PCDH15: variants seen among roughly 807,000 people sequenced by gnomAD.
PCDH15 encodes protocadherin-15.
In PCDH15, 129 loss-of-function variants were observed where a neutral mutation model predicts 178.5. The ratio of observed to expected loss-of-function variants is 0.72; its 90% CI spans 0.63 to 0.84. The LOEUF (loss-of-function observed/expected upper bound fraction) is 0.84. PCDH15 is among the 40% of genes least tolerant of loss of function. The probability of loss-of-function intolerance (pLI) is 0.00; values close to 1 mark genes in which losing one functional copy is unlikely to be tolerated. For missense variants in PCDH15, 2,230 were observed against 2,099.9 expected (o/e 1.06, Z -1.21); for synonymous variants, 800 against 732.0 (o/e 1.09, Z -1.50).
intron 2 of PCDH15, among the ~76,000 whole-genome samples, chr10:55,376,286 A>AAGTT (rs1837392689): frequency 6.6e-6 from 1 of 152,100 alleles, no homozygotes; most frequent in African/African-American, 2.4e-5. Flanking sequence ...GATATGTTAT[A>AAGTT]AGTTAGGTTA....
chr10:54,308,532 C>T (rs2060692974), intron 8 of PCDH15, among the ~76,000 whole-genome samples: 1 of 151,930 alleles, frequency 6.6e-6, no homozygotes, highest in Admixed American at 6.6e-5. Flanking sequence ...ATAATTGGTG[C>T]TATGGTATAT....
rs923756339 is a variant in PCDH15 at position 54,037,440 on chromosome 10, A to G, written c.2221-14243T>C. On this transcript the variant is annotated intron_variant, in intron 18 of 37. Transcript: ENST00000644397. ...GAGCAGCCACCGACAGTGAGACAAGACCCTCTATCTGTATAAAGATTAAGA... is the reference window on the plus strand; with the variant it reads ...GAGCAGCCACCGACAGTGAGACAAGGCCCTCTATCTGTATAAAGATTAAGA... Among the ~76,000 whole-genome samples, 6 of 152,012 alleles carry G rather than the reference A, an allele frequency of 3.9e-5. No homozygotes were observed. In the South Asian group the frequency reaches 6.2e-4, roughly 16 times the overall value.
chr10:55,267,208 A>T (rs1389373907), intron 1 of PCDH15, among the ~76,000 whole-genome samples: 2 of 152,220 alleles, frequency 1.3e-5, no homozygotes, highest in Non-Finnish European at 2.9e-5. Flanking sequence ...ATACATATGT[A>T]TAGGCATTGT....
chr10:53,918,983 T>C (rs547435576), intron 25 of PCDH15, among the ~76,000 whole-genome samples: 1 of 152,314 alleles, frequency 6.6e-6, no homozygotes, highest in African/African-American at 2.4e-5. Context: ...CTTGCATTCC[T>C]TAAGCTTAGT....
At chr10:53,894,509 T>C (rs191025988) in intron 26 of PCDH15, among the ~76,000 whole-genome samples, 20 of 152,338 alleles carry the variant, frequency 1.3e-4, no homozygotes, top group African/African-American at 4.8e-4. Flanking sequence ...TAGTGTTTTA[T>C]TGGACCTTTA....
intron 2 of PCDH15, among the ~76,000 whole-genome samples, chr10:55,137,272 T>C (rs1488951401): frequency 1.3e-5 from 2 of 152,324 alleles, no homozygotes; most frequent in East Asian, 1.9e-4. Context: ...ATATTTTTAC[T>C]GTACATTTTC....
At chr10:54,617,672 C>T (rs1418550990) in intron 2 of PCDH15, among the ~76,000 whole-genome samples, 1 of 149,678 alleles carries the variant, frequency 6.7e-6, no homozygotes, top group Admixed American at 6.7e-5. Flanking sequence ...TGGCTCATGC[C>T]TGTAATTCGA....
intron 3 of PCDH15, among the ~76,000 whole-genome samples, chr10:54,460,698 C>T (rs1280177077): frequency 6.6e-6 from 1 of 152,032 alleles, no homozygotes; most frequent in Non-Finnish European, 1.5e-5. Context: ...ACTTTCATCT[C>T]TCTGGCTTGA....
chr10:53,994,025 G>T (rs2091690418), intron 21 of PCDH15, among the ~76,000 whole-genome samples: 1 of 152,092 alleles, frequency 6.6e-6, no homozygotes. Flanking sequence ...TTTAAATCTG[G>T]CAATTTTATT....
In PCDH15 at chr10:53,832,054, CATAACACCAT is replaced by C. The variant is rs1323781643; in HGVS notation, c.3984-531_3984-522del. 6.0e-4 allele frequency among the ~76,000 whole-genome samples: 91 copies of C among 151,236 alleles called. 1 individual carries two copies. The highest frequency in any genetic ancestry group is 2.2e-3 in the African/African-American group (90 of 40,632). On this transcript the variant is annotated intron_variant, in intron 29 of 37. Transcript: ENST00000644397. ...AGACTCAAACTCTGTATTTGTTTGC[CATAACACCAT>C]CTTAAAAGTAAACATTCTCAAGTTT...
intron 18 of PCDH15, among the ~76,000 whole-genome samples, chr10:54,061,882 C>A (rs928748763): frequency 5.3e-5 from 8 of 151,942 alleles, no homozygotes; most frequent in Non-Finnish European, 1.2e-4. Context: ...CATAAATTTG[C>A]TTCAAAAGTA....
intron 3 of PCDH15, among the ~76,000 whole-genome samples, chr10:54,880,950 G>T (rs1954251858): frequency 6.6e-6 from 1 of 151,762 alleles, no homozygotes; most frequent in South Asian, 2.1e-4. Context: ...TGTATCTAAA[G>T]GAACAAAAGA....
intron 13 of PCDH15, among the ~76,000 whole-genome samples, chr10:54,161,597 CCCA>C (rs2045722141): frequency 6.9e-6 from 1 of 145,576 alleles, no homozygotes; most frequent in Admixed American, 6.9e-5. Context: ...CCACCCCCAC[CCCA>C]CCATACCCTG....
intron 17 of PCDH15, 59 bp downstream of exon 17, chr10:54,079,272 A>G: frequency 6.9e-7 from 1 of 1,441,190 alleles, no homozygotes; most frequent in Non-Finnish European, 9.8e-7. Flanking sequence ...ACATTGTTTA[A>G]GACTCTCTCA....
At chr10:55,212,871 T>C (rs950753290) in intron 1 of PCDH15, among the ~76,000 whole-genome samples, 2 of 152,100 alleles carry the variant, frequency 1.3e-5, no homozygotes, top group East Asian at 3.9e-4. Context: ...ATAATTTTTT[T>C]CCTAAAATAA....
intron 15 of PCDH15, among the ~76,000 whole-genome samples, chr10:54,116,783 T>G (rs2095120666): frequency 6.6e-6 from 1 of 152,214 alleles, no homozygotes; most frequent in Non-Finnish European, 1.5e-5. Flanking sequence ...TTTAGAAAAT[T>G]TTAAAGTGAT....
At chr10:54,247,306 A>G (rs2056043045) in intron 8 of PCDH15, among the ~76,000 whole-genome samples, 1 of 151,926 alleles carries the variant, frequency 6.6e-6, no homozygotes, top group African/African-American at 2.4e-5. Context: ...TGGCTTCCCT[A>G]CAACTTTCTT....
At chr10:55,338,874 G>T (rs1844474098) in intron 2 of PCDH15, among the ~76,000 whole-genome samples, 1 of 152,112 alleles carries the variant, frequency 6.6e-6, no homozygotes, top group African/African-American at 2.4e-5. Context: ...ATGTAAGCCA[G>T]GCACCGTAAA....
At chr10:54,062,113 G>A (rs1391651213) in intron 18 of PCDH15, among the ~76,000 whole-genome samples, 5 of 150,752 alleles carry the variant, frequency 3.3e-5, no homozygotes, top group African/African-American at 1.2e-4. Flanking sequence ...TAATCCCAGC[G>A]ACTCAGGAGG....
Sources: allele counts gnomAD v4.1 joint callset (sites outside exome capture counted in the v4.1 genomes callset), GRCh38; gene constraint gnomAD v4.1.1; transcripts MANE v1.5; gene names NCBI Gene and HGNC (gene_info 2026-07-23, HGNC 2026-07-21).